Variants in PTPRU observed in about 807,000 individuals in gnomAD.
The protein encoded by PTPRU is receptor-type tyrosine-protein phosphatase U.
In PTPRU, 69 loss-of-function variants were observed where a neutral mutation model predicts 166.3. The observed-to-expected ratio is 0.41, with a 90% CI of 0.34 to 0.51. The LOEUF is 0.51. Among genes scored for constraint, PTPRU ranks in the 20% least tolerant of loss-of-function variants. The pLI is 0.09. For missense variants in PTPRU, 1,657 were observed against 2,013.7 expected (o/e 0.82, Z 3.39); for synonymous variants, 793 against 814.0 (o/e 0.97, Z 0.44).
chr1:29,239,364 T>C (rs1278684641), intron 1 of PTPRU, among the ~76,000 whole-genome samples: 1 of 152,172 alleles, frequency 6.6e-6, no homozygotes, highest in Non-Finnish European at 1.5e-5. Flanking sequence ...TCGCAGGAGT[T>C]GTGGACGGCA....
chr1:29,270,675 A>G (rs1041878656), intron 7 of PTPRU, among the ~76,000 whole-genome samples: 7 of 152,190 alleles, frequency 4.6e-5, no homozygotes, highest in Admixed American at 4.6e-4. Flanking sequence ...GAAGCCACAG[A>G]ACTATGGCCA....
chr1:29,259,237 TA>T (rs1333217692), intron 3 of PTPRU, 23 bp from the exon 4 acceptor site: 21 of 1,604,522 alleles, frequency 1.3e-5, no homozygotes, highest in Non-Finnish European at 1.8e-5. Context: ...ATCAGTATGA[TA>T]GGGGCCCTCC....
At position 29,259,446 on chromosome 1, in the gene PTPRU, C is replaced by A; in HGVS notation, c.560-3C>A. On this transcript the variant is annotated splice_polypyrimidine_tract_variant and splice_region_variant and intron_variant, in intron 4 of 29. Coordinates refer to ENST00000373779, the MANE Select transcript of PTPRU (RefSeq NM_133178.4). ...AGCTCACGATGCAGCTCTAACCCCG[C>A]AGCAAAGGCCCCACACTTCTCCCGC... 6.2e-7 allele frequency: 1 copy of A among 1,610,106 alleles called. No homozygotes were observed. The highest frequency in any genetic ancestry group is 2.2e-5 in the East Asian group (1 of 44,770).
chr1:29,282,552 G>C (rs1239739984), intron 11 of PTPRU, 124 bp from the exon 12 acceptor site: 4 of 1,310,376 alleles, frequency 3.1e-6, no homozygotes, highest in East Asian at 2.5e-5. Flanking sequence ...AGCTAGTAAG[G>C]AGCAGTGTGT....
At position 29,311,864 on chromosome 1, in the gene PTPRU, A is replaced by G. The variant is rs1375832135; in HGVS notation, c.3072+105A>G. 2 of 1,116,440 alleles carry G rather than the reference A, an allele frequency of 1.8e-6. No individual in the cohort carries two copies. Among genetic ancestry groups the G allele is most frequent in the African/African-American group, 1.5e-5 (1 of 64,622 alleles). 69.2% of individuals were successfully genotyped at this position (1,116,440 alleles called of 1,614,324 possible). ...GGAGCAGGAGGGTGAGGAGCGCACC[A>G]CTGCCCATCCCAGCAAGGAAGCTAC... On this transcript the variant is annotated intron_variant, in intron 21 of 29. Coordinates refer to ENST00000373779, the MANE Select transcript of PTPRU (RefSeq NM_133178.4). This position sits in a 1 kb window ranked among gnomAD's most constrained non-coding sequence, Gnocchi z 4.1.
intron 2 of PTPRU, among the ~76,000 whole-genome samples, chr1:29,258,102 C>A (rs1169321678): frequency 6.6e-6 from 1 of 152,098 alleles, no homozygotes; most frequent in Admixed American, 6.5e-5. Context: ...GTAGCTGGGA[C>A]TACAGGCACA....
intron 1 of PTPRU, among the ~76,000 whole-genome samples, chr1:29,247,260 G>A (rs575062717): frequency 4.4e-4 from 67 of 152,372 alleles, no homozygotes; most frequent in African/African-American, 1.5e-3. Flanking sequence ...CTGCAGTGGC[G>A]CGGTGTGCCT....
In PTPRU at chr1:29,311,219, C is replaced by CCA; in HGVS notation, c.2858-236_2858-235dup. The CCA allele has an allele frequency of 1.7e-6, 1 of 593,752 alleles. No individual in the cohort carries two copies. Among genetic ancestry groups the CCA allele is most frequent in the South Asian group, 2.0e-5 (1 of 49,824 alleles). 36.8% of individuals were successfully genotyped at this position (593,752 alleles called of 1,614,324 possible). On this transcript the variant is annotated intron_variant, in intron 19 of 29. Transcript: ENST00000373779. The surrounding 1 kb of genome is among the most constrained non-coding windows in gnomAD (Gnocchi z 4.1). ...CATTGCCCAACCATCTGGTCCTCCT[C>CCA]CAGGGTCCCATTCAGGATGAGCGGG...
intron 14 of PTPRU, among the ~76,000 whole-genome samples, chr1:29,286,687 CAAG>C (rs975397814): frequency 1.6e-4 from 24 of 152,016 alleles, no homozygotes; most frequent in African/African-American, 5.5e-4. Context: ...AATCTACCCT[CAAG>C]GAGAAGAGGA....
chr1:29,316,854 A>C (rs560071395), intron 24 of PTPRU, among the ~76,000 whole-genome samples: 15 of 152,214 alleles, frequency 9.9e-5, no homozygotes, highest in African/African-American at 3.6e-4. Flanking sequence ...GGCTCTGGTC[A>C]CATGCCCAAG....
chr1:29,316,482 TC>T (rs1393539728), intron 24 of PTPRU, among the ~76,000 whole-genome samples: 1 of 152,162 alleles, frequency 6.6e-6, no homozygotes, highest in African/African-American at 2.4e-5. Flanking sequence ...AGTTAATATG[TC>T]CCTTGGGGTG....
chr1:29,310,743 G>A lies in PTPRU; in HGVS notation c.2821-1G>A. On this transcript the variant is annotated splice_acceptor_variant, in intron 18 of 29. Transcript: ENST00000373779. LOFTEE classifies it high-confidence loss of function. Reference sequence around the variant, plus strand: ...AACCGTGCCCTCTCCTCCTGTTCCAGGGTTACCACAGGTCAAACCACTTCA... The same window carrying A: ...AACCGTGCCCTCTCCTCCTGTTCCAAGGTTACCACAGGTCAAACCACTTCA... 1 of 1,613,748 alleles carries A rather than the reference G, an allele frequency of 6.2e-7. No homozygotes were observed. Among genetic ancestry groups the A allele is most frequent in the Non-Finnish European group, 8.5e-7 (1 of 1,179,688 alleles).
rs1457498531 is a variant in PTPRU, at chr1:29,317,792, C to T, written c.3558C>T (p.Ser1186=). The T allele has an allele frequency of 6.2e-7, 1 of 1,612,840 alleles. No individual in the cohort carries two copies. Among genetic ancestry groups the T allele is most frequent in the African/African-American group, 1.3e-5 (1 of 75,054 alleles). Reference sequence around the variant, plus strand: ...CGCCGCTGGACGTGGAGGAGTGCAGCATCGCCCTGTTGCCCCGGAACCGCG... The same window carrying T: ...CGCCGCTGGACGTGGAGGAGTGCAGTATCGCCCTGTTGCCCCGGAACCGCG... ...VTPPLDVEEC[S]IALLPRNRDK... The change falls in exon 25 of 30, where the codon AGC becomes AGT. Residue 1186 remains serine, a synonymous_variant. Coordinates refer to ENST00000373779, the MANE Select transcript of PTPRU (RefSeq NM_133178.4). This position sits in a 1 kb window ranked among gnomAD's most constrained non-coding sequence, Gnocchi z 5.6.
Position 29,323,688 on chromosome 1 carries a change from C to A in PTPRU, c.4012C>A (p.Arg1338=). The A allele has an allele frequency of 6.2e-7, 1 of 1,614,120 alleles. No individual in the cohort carries two copies. Among genetic ancestry groups the A allele is most frequent in the Middle Eastern group, 1.6e-4 (1 of 6,062 alleles). The change falls in exon 28 of 30, where the codon CGG becomes AGG. Residue 1338 remains arginine (R), a synonymous_variant. Coordinates refer to ENST00000373779, the MANE Select transcript of PTPRU (RefSeq NM_133178.4). ...HFQFLRWSAY[R]DTPDSKKAFL... ...CCAGTTCCTGCGCTGGTCTGCATACCGGGACACACCTGACTCCAAGAAGGC... is the reference window on the plus strand; with the variant it reads ...CCAGTTCCTGCGCTGGTCTGCATACAGGGACACACCTGACTCCAAGAAGGC...
rs1368676485 is a variant in PTPRU, at chr1:29,260,741, C to A, written c.982C>A (p.Arg328Ser). 2.5e-6 allele frequency: 4 copies of A among 1,610,796 alleles called. No homozygotes were observed. The highest frequency in any genetic ancestry group is 2.2e-5 in the South Asian group (2 of 90,702). Residue 328 changes from arginine to serine, a missense_variant, in exon 7 of 30, where the codon CGC becomes AGC. Physicochemically the swap from Arg to Ser is moderately radical, Grantham distance 110 (BLOSUM62 -1). Coordinates refer to ENST00000373779, the MANE Select transcript of PTPRU (RefSeq NM_133178.4). This position sits in a 1 kb window ranked among gnomAD's most constrained non-coding sequence, Gnocchi z 8.3. Reference sequence around the variant, plus strand: ...CAAGGAGATTGAGTACCGCATGGCGCGCGGGCCCTGGGCTGAGGTGCACGC... The same window carrying A: ...CAAGGAGATTGAGTACCGCATGGCGAGCGGGCCCTGGGCTGAGGTGCACGC... ...VRKEIEYRMA[R>S]GPWAEVHAVS...
chr1:29,243,535 G>C (rs1261033216), intron 1 of PTPRU, among the ~76,000 whole-genome samples: 1 of 152,212 alleles, frequency 6.6e-6, no homozygotes, highest in Non-Finnish European at 1.5e-5. Flanking sequence ...CTCGTGGTGG[G>C]GGTGGGGGAT....
intron 1 of PTPRU, among the ~76,000 whole-genome samples, chr1:29,252,509 C>A (rs1684598529): frequency 6.6e-6 from 1 of 152,138 alleles, no homozygotes; most frequent in Admixed American, 6.6e-5. Context: ...CTCAGGCGAT[C>A]TGCCTGCCTC....
chr1:29,298,398 A>G (rs1686989784), intron 15 of PTPRU, among the ~76,000 whole-genome samples: 1 of 152,130 alleles, frequency 6.6e-6, no homozygotes, highest in African/African-American at 2.4e-5. Context: ...TCTTTTCCAA[A>G]CAGTGGAGGC....
intron 14 of PTPRU, among the ~76,000 whole-genome samples, chr1:29,290,607 G>A (rs748861267): frequency 6.6e-6 from 1 of 152,202 alleles, no homozygotes; most frequent in Non-Finnish European, 1.5e-5. Context: ...CTCCTCCCTG[G>A]ACAGCTCCTT....
Sources: gnomAD v4.1 joint callset for allele counts (sites outside exome capture counted in the v4.1 genomes callset) on GRCh38, gnomAD v4.1.1 for gene constraint, Gnocchi (gnomAD v3.1) non-coding constraint, MANE v1.5 for transcripts, NCBI Gene and HGNC (gene_info 2026-07-23, HGNC 2026-07-21) for gene names.